The following KIF24 variants were observed in gnomAD, a reference collection of about 807,000 sequenced individuals.
KIF24 encodes kinesin family member 24.
Under a neutral mutation model 118.9 loss-of-function variants are expected in KIF24, and 81 were observed. That is an observed-to-expected ratio of 0.68 (90% CI 0.57 to 0.82). KIF24 has a LOEUF of 0.82. KIF24 is among the 40% of genes least tolerant of loss of function. The pLI is 0.00. For missense variants in KIF24, 1,560 were observed against 1,661.6 expected, an observed-to-expected ratio of 0.94 and a Z score of 1.06; for synonymous variants, 599 against 610.0, an observed-to-expected ratio of 0.98 and a Z score of 0.27.
chr9:34,302,751 G>A (rs1322494532), intron 3 of KIF24, among the ~76,000 whole-genome samples: 1 of 151,272 alleles, frequency 6.6e-6, no homozygotes, highest in Non-Finnish European at 1.5e-5. Flanking sequence ...ACAGGTGTAA[G>A]CCGCTGTGCC....
chr9:34,311,781 T>TATATATACACAC (rs1484450459), intron 1 of KIF24, among the ~76,000 whole-genome samples: 19 of 149,900 alleles, frequency 1.3e-4, no homozygotes, highest in Admixed American at 1.0e-3. Flanking sequence ...TATATACACA[T>TATATATACACAC]ATATATACAC....
chr9:34,295,507 T>C (rs367699582), intron 4 of KIF24, among the ~76,000 whole-genome samples: 1 of 151,882 alleles, frequency 6.6e-6, no homozygotes, highest in Non-Finnish European at 1.5e-5. Flanking sequence ...CAAAACCCCA[T>C]CTCTAAAAAA....
At chr9:34,294,938 C>T (rs564936911) in intron 4 of KIF24, among the ~76,000 whole-genome samples, 6 of 152,116 alleles carry the variant, frequency 3.9e-5, no homozygotes, top group East Asian at 1.9e-4. Flanking sequence ...TTGTTACTCA[C>T]GTATATAAAA....
chr9:34,318,579 C>T lies in KIF24; in HGVS notation c.-25-7208G>A, dbSNP rs1300377351. The T allele has an allele frequency of 7.4e-6, 10 of 1,344,926 alleles. No homozygotes were observed. The highest frequency in any genetic ancestry group is 2.8e-5 in the African/African-American group (2 of 71,382). The allele number at this position is 1,344,926 out of a possible 1,614,324, so 83.3% of individuals were successfully genotyped here. On this transcript the variant is annotated intron_variant, in intron 1 of 12. Transcript: ENST00000402558. The surrounding 1 kb of genome is among the most constrained non-coding windows in gnomAD (Gnocchi z 4.9). ...GCCTTCAGCCTGTACCAGGCCATGG[C>T]CAAGGACCAGGCGGTGGAGAACATC...
chr9:34,323,463 C>T (rs147884180), intron 1 of KIF24, among the ~76,000 whole-genome samples: 7 of 152,276 alleles, frequency 4.6e-5, no homozygotes, highest in African/African-American at 1.4e-4. Flanking sequence ...TAAATATAGA[C>T]ATTTAATTCT....
At chr9:34,330,037 C>T (rs1309711074), upstream of KIF24, among the ~76,000 whole-genome samples, 1 of 152,220 alleles carries the variant, frequency 6.6e-6, no homozygotes, top group African/African-American at 2.4e-5. Context: ...AATATCGTGG[C>T]AGTTATAGCA....
Position 34,254,327 on chromosome 9 carries a change from A to G in KIF24, c.*53T>C. On this transcript the variant is annotated 3_prime_UTR_variant, in exon 13 of 13. Transcript: ENST00000402558. ...CTGGCAGAGGCTCCTCCAGCCTGAGAGCCCAGCACAGACTCCTGCAGGGCC... is the reference window on the plus strand; with the variant it reads ...CTGGCAGAGGCTCCTCCAGCCTGAGGGCCCAGCACAGACTCCTGCAGGGCC... 1.3e-6 allele frequency: 2 copies of G among 1,521,374 alleles called. No homozygotes were observed. Among genetic ancestry groups the G allele is most frequent in the Admixed American group, 2.2e-5 (1 of 44,802 alleles). The allele number at this position is 1,521,374 out of a possible 1,614,324, so 94.2% of individuals were successfully genotyped here.
At chr9:34,313,480 AATTATT>A (rs139096969) in intron 1 of KIF24, among the ~76,000 whole-genome samples, 31 of 148,552 alleles carry the variant, frequency 2.1e-4, no homozygotes, top group South Asian at 8.5e-4. Context: ...GTTTTTTAGA[AATTATT>A]ATTATTATTA....
At position 34,259,632 on chromosome 9, in the gene KIF24, G is replaced by A. The variant is rs1391411020; in HGVS notation, c.1589C>T (p.Thr530Ile). 2 of 1,613,862 alleles carry A rather than the reference G, an allele frequency of 1.2e-6. No homozygotes were observed. The highest frequency in any genetic ancestry group is 2.2e-5 in the East Asian group (1 of 44,892). The change falls in exon 10 of 13, where the codon ACT becomes ATT. Residue 530 changes from threonine to isoleucine, a missense_variant. Around this residue, in one of 3 missense-constraint regions of KIF24, gnomAD observed 964 missense variants for 988.0 expected, o/e 0.98. Coordinates refer to ENST00000402558, the MANE Select transcript of KIF24 (RefSeq NM_194313.4). Reference protein sequence around the residue: ...IANISPSHVATEHTLNTLRYA... With the variant: ...IANISPSHVAIEHTLNTLRYA... ...GCGCAAGGTGTTGAGAGTGTGTTCAGTGGCCACGTGGCTTGGTGAGATGTT... is the reference window on the plus strand; with the variant it reads ...GCGCAAGGTGTTGAGAGTGTGTTCAATGGCCACGTGGCTTGGTGAGATGTT...
chr9:34,306,026 G>C (rs1419824120), intron 3 of KIF24, among the ~76,000 whole-genome samples: 1 of 152,098 alleles, frequency 6.6e-6, no homozygotes, highest in Non-Finnish European at 1.5e-5. Context: ...CTGCACAAGA[G>C]AAATTGTTTT....
chr9:34,308,911 A>G (rs1837033190), intron 2 of KIF24, among the ~76,000 whole-genome samples: 2 of 151,836 alleles, frequency 1.3e-5, no homozygotes, highest in South Asian at 4.2e-4. Context: ...GAGATCCCCA[A>G]CTCTACAAAA....
rs1010333487 is a variant in KIF24, at chr9:34,291,427, T to C, written c.912-1038A>G. ...AGGCAAGTCCCTTCACTTTTCTCTG[T>C]GCCTCAGTTTTCACTTTTATCAGTA... is the stretch of plus-strand genomic sequence containing the variant. On this transcript the variant is annotated intron_variant, in intron 4 of 12. Coordinates refer to ENST00000402558, the MANE Select transcript of KIF24 (RefSeq NM_194313.4). Among the ~76,000 whole-genome samples the C allele has an allele frequency of 4.6e-5, 7 of 152,252 alleles. 1 individual carries two copies. The highest frequency in any genetic ancestry group is 1.0e-4 in the Non-Finnish European group (7 of 68,040).
intron 6 of KIF24, among the ~76,000 whole-genome samples, chr9:34,281,638 A>G (rs919274403): frequency 6.6e-6 from 1 of 152,248 alleles, no homozygotes; most frequent in Non-Finnish European, 1.5e-5. Flanking sequence ...GGAAGGCAGG[A>G]AAGATCAAGA....
At chr9:34,333,387 G>C (rs1200765805), upstream of KIF24, among the ~76,000 whole-genome samples, 1 of 152,058 alleles carries the variant, frequency 6.6e-6, no homozygotes, top group African/African-American at 2.4e-5. Flanking sequence ...AGCACTTTGG[G>C]AGGCCAAAGT....
At position 34,286,704 on chromosome 9, in the gene KIF24, C is replaced by A; in HGVS notation, c.1128G>T (p.Arg376Ser). 2 of 1,608,380 alleles carry A rather than the reference C, an allele frequency of 1.2e-6. No homozygotes were observed. Among genetic ancestry groups the A allele is most frequent in the South Asian group, 1.1e-5 (1 of 90,958 alleles). Residue 376 changes from arginine to serine, a missense_variant and splice_region_variant, in exon 6 of 13, where the codon AGG becomes AGT. Physicochemically the swap from Arg to Ser is moderately radical, Grantham distance 110. Around this residue, in one of 3 missense-constraint regions of KIF24, gnomAD observed 964 missense variants for 988.0 expected, o/e 0.98. Coordinates refer to ENST00000402558, the MANE Select transcript of KIF24 (RefSeq NM_194313.4). ...GCTTGCTATCTTCTCTTGCAAAGAG[C>A]CTGCAGATGCAAGAAAGTGGTTGGT... Reference protein sequence around the residue: ...QLYDLLNRRKRLFAREDSKHM... With the variant: ...QLYDLLNRRKSLFAREDSKHM...
Position 34,269,379 on chromosome 9 carries a change from G to GAAGT in KIF24, c.1338-18_1338-17insACTT. 1 of 1,217,110 alleles carries GAAGT rather than the reference G, an allele frequency of 8.2e-7. No homozygotes were observed. The highest frequency in any genetic ancestry group is 1.2e-6 in the Non-Finnish European group (1 of 839,168). The allele number at this position is 1,217,110 out of a possible 1,614,324, so 75.4% of individuals were successfully genotyped here. On this transcript the variant is annotated splice_polypyrimidine_tract_variant and intron_variant, in intron 7 of 12. Transcript: ENST00000402558. ...AAAGAGATCCTAGAGAAAAGACACA[G>GAAGT]CAGGAGTGACTTCTGTGAAGCTTTA...
At chr9:34,268,041 A>G (rs1835358476) in intron 8 of KIF24, among the ~76,000 whole-genome samples, 1 of 152,236 alleles carries the variant, frequency 6.6e-6, no homozygotes, top group Non-Finnish European at 1.5e-5. Context: ...AGTTAACTAT[A>G]AAAAGACACT....
upstream of KIF24, among the ~76,000 whole-genome samples, chr9:34,331,750 T>C (rs1837944097): frequency 6.6e-6 from 1 of 152,252 alleles, no homozygotes; most frequent in Non-Finnish European, 1.5e-5. Flanking sequence ...AGATGATCAC[T>C]GAACTTTAGA....
At chr9:34,306,622 G>A (rs1238664997) in intron 2 of KIF24, among the ~76,000 whole-genome samples, 181 bp from the exon 3 acceptor site, 2 of 152,092 alleles carry the variant, frequency 1.3e-5, no homozygotes, top group East Asian at 3.9e-4. Context: ...CTAACACGGT[G>A]AAACCCCATC....
Sources: gnomAD v4.1 joint callset for allele counts (sites outside exome capture counted in the v4.1 genomes callset) on GRCh38, gnomAD v4.1.1 for gene constraint, gnomAD v4.1.1 regional missense constraint, Gnocchi (gnomAD v3.1) non-coding constraint, MANE v1.5 for transcripts, NCBI Gene and HGNC (gene_info 2026-07-23, HGNC 2026-07-21) for gene names.